Variants in ESYT3 observed in about 807,000 individuals in gnomAD.
ESYT3 encodes the protein extended synaptotagmin 3, also known as extended synaptotagmin-3.
A neutral mutation model predicts 111.5 loss-of-function variants in ESYT3; 101 were observed. That is an observed-to-expected ratio of 0.91 (90% CI 0.77 to 1.07). The LOEUF is 1.07. Among genes scored for constraint, ESYT3 ranks in the 50% least tolerant of loss-of-function variants. ESYT3 has a pLI of 0.00. For missense variants in ESYT3, 1,097 were observed against 1,109.4 expected, an observed-to-expected ratio of 0.99 and a Z score of 0.16; for synonymous variants, 416 against 446.8, an observed-to-expected ratio of 0.93 and a Z score of 0.87.
chr3:138,480,529 T>C (rs2033669878), downstream of ESYT3: 1 of 152,216 alleles, frequency 6.6e-6, no homozygotes, highest in Non-Finnish European at 1.5e-5. Flanking sequence ...TCAGCAAGCT[T>C]GCTTGATACA....
chr3:138,451,882 G>A (rs2031953142), intron 1 of ESYT3, among the ~76,000 whole-genome samples, 166 bp from the exon 2 acceptor site: 1 of 152,274 alleles, frequency 6.6e-6, no homozygotes, highest in Admixed American at 6.5e-5. Context: ...AGGGCTGGAC[G>A]CCGAGTGGGT....
chr3:138,461,765 C>T (rs908301322), intron 7 of ESYT3, among the ~76,000 whole-genome samples: 1 of 152,140 alleles, frequency 6.6e-6, no homozygotes, highest in African/African-American at 2.4e-5. Flanking sequence ...CACAGCTAGT[C>T]GATGGTGGAG....
downstream of ESYT3, chr3:138,480,777 T>C (rs2033674643): frequency 6.6e-6 from 1 of 152,218 alleles, no homozygotes; most frequent in Admixed American, 6.5e-5. Context: ...TGTGTGTAAC[T>C]TGATAAGCAG....
rs183703381 is a variant in ESYT3, at chr3:138,441,125, T to C, written c.327+6000T>C. Among the ~76,000 whole-genome samples, 480 of 152,156 alleles carry C rather than the reference T, an allele frequency of 3.2e-3. 3 individuals carry two copies. Among genetic ancestry groups the C allele is most frequent in the South Asian group, 6.7e-3 (32 of 4,810 alleles). On this transcript the variant is annotated intron_variant, in intron 1 of 22. Transcript: ENST00000389567. Reference sequence around the variant, plus strand: ...TGGTATTGCTGGCTGTGGTAGGGAGTTGGGGACTCGGCCCACAGTCTTTCA... The same window carrying C: ...TGGTATTGCTGGCTGTGGTAGGGAGCTGGGGACTCGGCCCACAGTCTTTCA...
At chr3:138,437,540 G>T (rs905873490) in intron 1 of ESYT3, among the ~76,000 whole-genome samples, 25 of 152,190 alleles carry the variant, frequency 1.6e-4, no homozygotes, top group African/African-American at 6.0e-4. Context: ...GCTGGGCCTG[G>T]CTGAAGTGTG....
At chr3:138,447,943 T>C (rs1331899781) in intron 1 of ESYT3, among the ~76,000 whole-genome samples, 5 of 151,910 alleles carry the variant, frequency 3.3e-5, no homozygotes, top group African/African-American at 9.7e-5. Context: ...TCTACTATTA[T>C]CTAAATCAGT....
rs1484998494 is a variant in ESYT3 at position 138,460,479 on chromosome 3, C to T, written c.739-132C>T. 4.1e-6 allele frequency: 4 copies of T among 967,536 alleles called. No homozygotes were observed. In the Admixed American group the frequency reaches 7.3e-5, roughly 18 times the overall value. The allele number at this position is 967,536 out of a possible 1,614,324, so 59.9% of individuals were successfully genotyped here. A position where few individuals can be genotyped will look rare whatever the true frequency, so the allele number is the denominator to read the frequency against. On this transcript the variant is annotated intron_variant, in intron 6 of 22. Transcript: ENST00000389567. The stretch of plus-strand genomic sequence containing the variant: ...GACACCCTGGCAGAGGGTGCTCTGC[C>T]TGCTTTCCTCCGAACCCCCACCCTG...
chr3:138,461,687 G>A (rs963979731), intron 7 of ESYT3, among the ~76,000 whole-genome samples: 3 of 152,196 alleles, frequency 2.0e-5, no homozygotes, highest in Non-Finnish European at 2.9e-5. Context: ...CCAGGAATAC[G>A]CATTATTAGC....
At position 138,448,418 on chromosome 3, in the gene ESYT3, A is replaced by G. The variant is rs567445530; in HGVS notation, c.328-3630A>G. 2.0e-5 allele frequency among the ~76,000 whole-genome samples: 3 copies of G among 152,256 alleles called. No individual in the cohort carries two copies. The East Asian group carries it at 5.8e-4, about 29-fold the overall frequency. ...CAAGTCCAGAAACACACCAAAGTACATATGAGGAGCTAGTTTTTGAGTGAA... is the reference window on the plus strand; with the variant it reads ...CAAGTCCAGAAACACACCAAAGTACGTATGAGGAGCTAGTTTTTGAGTGAA... On this transcript the variant is annotated intron_variant, in intron 1 of 22. Transcript: ENST00000389567.
Position 138,447,978 on chromosome 3 carries a change from G to A in ESYT3, c.328-4070G>A, listed in dbSNP as rs1181179780. Among the ~76,000 whole-genome samples, 3 of 151,968 alleles carry A rather than the reference G, an allele frequency of 2.0e-5. No homozygotes were observed. The East Asian group carries it at 5.8e-4, about 29-fold the overall frequency. ...TGTGAGAAAGAAAAAGCAAAATGGG[G>A]AATCGGCGGCCGGGTGTGGTGGCTC... is the stretch of plus-strand genomic sequence containing the variant. On this transcript the variant is annotated intron_variant, in intron 1 of 22. Transcript: ENST00000389567.
At chr3:138,468,972 G>A (rs1031540065) in intron 14 of ESYT3, 91 bp downstream of exon 14, 2 of 1,318,936 alleles carry the variant, frequency 1.5e-6, no homozygotes, top group African/African-American at 1.4e-5. Flanking sequence ...CTGGGCCACA[G>A]TCTGTGCACA....
chr3:138,465,405 G>T lies in ESYT3; in HGVS notation c.1153G>T (p.Asp385Tyr). Residue 385 changes from aspartate to tyrosine, a missense_variant, in exon 10 of 23, where the codon GAT (aspartate) becomes TAT (tyrosine). Asp to Tyr is a radical substitution (Grantham distance 160, BLOSUM62 -3). Transcript: ENST00000389567. ...CCTGTATGATGAGGATACCGACAGG[G>T]ATGACTTCCTGGGCAGGTGAGGAGG... ...VDLYDEDTDR[D>Y]DFLGSLQICL... is the part of the protein sequence containing the mutation. 6.3e-7 allele frequency: 1 copy of T among 1,592,948 alleles called. No individual in the cohort carries two copies.
intron 1 of ESYT3, among the ~76,000 whole-genome samples, chr3:138,448,972 G>A (rs1453672782): frequency 6.6e-6 from 1 of 152,150 alleles, no homozygotes; most frequent in East Asian, 1.9e-4. Flanking sequence ...ATCCATGATG[G>A]GGCCTCTTGG....
chr3:138,457,442 T>C (rs1560226060), intron 3 of ESYT3, 126 bp from the exon 4 acceptor site: 1 of 831,984 alleles, frequency 1.2e-6, no homozygotes, highest in South Asian at 1.4e-5. Flanking sequence ...TTTACATGTC[T>C]GTGCCTCGTC....
chr3:138,442,560 C>T lies in ESYT3; in HGVS notation c.327+7435C>T, dbSNP rs532662285. Among the ~76,000 whole-genome samples, 96 of 152,322 alleles carry T rather than the reference C, an allele frequency of 6.3e-4. No individual in the cohort carries two copies. The South Asian group carries it at 0.016, about 25-fold the overall frequency. On this transcript the variant is annotated intron_variant, in intron 1 of 22. Coordinates refer to ENST00000389567, the MANE Select transcript of ESYT3 (RefSeq NM_031913.5). ...CAAATCCAAGCTCAGGCCCCACCCC[C>T]AGGACTCTTGTCCATGGGCTCCTAC... is the stretch of plus-strand genomic sequence containing the variant.
chr3:138,476,733 CAGGCAGGCAGGACT>C (rs1205331748), intron 22 of ESYT3, 71 bp from the exon 23 acceptor site: 8 of 1,359,690 alleles, frequency 5.9e-6, no homozygotes, highest in Admixed American at 3.4e-5. Flanking sequence ...TACAGAGGCC[CAGGCAGGCAGGACT>C]AGGCAGTTTG....
intron 1 of ESYT3, among the ~76,000 whole-genome samples, chr3:138,444,057 A>ATT (rs1290212654): frequency 6.6e-6 from 1 of 152,148 alleles, no homozygotes; most frequent in Non-Finnish European, 1.5e-5. Flanking sequence ...CTAAATATGG[A>ATT]TTATTGATGT....
chr3:138,474,240 A>G lies in ESYT3; in HGVS notation c.2356A>G (p.Ser786Gly). The G allele has an allele frequency of 1.2e-6, 2 of 1,612,922 alleles. No homozygotes were observed. Among genetic ancestry groups the G allele is most frequent in the Non-Finnish European group, 1.7e-6 (2 of 1,179,640 alleles). The change falls in exon 20 of 23, where the codon AGC becomes GGC. Residue 786 changes from serine to glycine, a missense_variant. Coordinates refer to ENST00000389567, the MANE Select transcript of ESYT3 (RefSeq NM_031913.5). ...AATCAGAAACCTAACACCATGTACC[A>G]GCAGTGGAGCTGATCCCTACGTCCG... ...NGCRNLTPCT[S>G]SGADPYVRVY...
At chr3:138,462,763 A>G (rs957341270) in intron 8 of ESYT3, among the ~76,000 whole-genome samples, 2 of 152,166 alleles carry the variant, frequency 1.3e-5, no homozygotes, top group African/African-American at 4.8e-5. Flanking sequence ...CCTGGGCTCA[A>G]GCAATCCTCC....
Sources: allele counts gnomAD v4.1 joint callset (sites outside exome capture counted in the v4.1 genomes callset), GRCh38; gene constraint gnomAD v4.1.1; transcripts MANE v1.5; gene names NCBI Gene and HGNC (gene_info 2026-07-23, HGNC 2026-07-21).